The following DLG2 variants were observed in gnomAD, a reference collection of about 807,000 sequenced individuals.
DLG2 encodes disks large homolog 2.
In DLG2, 45 loss-of-function variants were observed where a neutral mutation model predicts 132.5. The observed-to-expected ratio is 0.34, with a 90% confidence interval of 0.27 to 0.44. DLG2 has a LOEUF of 0.44. DLG2 is among the 20% of genes least tolerant of loss of function. The probability of loss-of-function intolerance (pLI) is 1.00; values close to 1 mark genes in which losing one functional copy is unlikely to be tolerated. For synonymous variants in DLG2, 424 were observed against 419.6 expected, an observed-to-expected ratio of 1.01 and a Z score of -0.13; for missense variants, 1,045 against 1,196.9, an observed-to-expected ratio of 0.87 and a Z score of 1.87.
chr11:85,145,462 T>C (rs896499312), intron 5 of DLG2, among the ~76,000 whole-genome samples: 4 of 152,258 alleles, frequency 2.6e-5, no homozygotes, highest in Admixed American at 6.5e-5. Context: ...ACATTTTACA[T>C]TTTCCCTTTT....
At chr11:84,988,069 G>C (rs537687989) in intron 6 of DLG2, among the ~76,000 whole-genome samples, 2 of 151,694 alleles carry the variant, frequency 1.3e-5, no homozygotes, top group East Asian at 3.9e-4. Context: ...AAACAAATGA[G>C]CAAGAAAAAA....
chr11:85,486,907 C>T (rs939214619), intron 3 of DLG2, among the ~76,000 whole-genome samples: 8 of 150,776 alleles, frequency 5.3e-5, no homozygotes, highest in Non-Finnish European at 1.2e-4. Context: ...GAGACACCAC[C>T]ACTGCCACCA....
chr11:85,448,291 C>T (rs2092096917), intron 3 of DLG2, among the ~76,000 whole-genome samples: 3 of 152,268 alleles, frequency 2.0e-5, no homozygotes, highest in African/African-American at 7.2e-5. Context: ...GGAAACTATT[C>T]ATTTTTAAAA....
chr11:84,746,555 A>G (rs777366383), intron 6 of DLG2, among the ~76,000 whole-genome samples: 11 of 152,184 alleles, frequency 7.2e-5, no homozygotes, highest in African/African-American at 1.4e-4. Flanking sequence ...CTCAGTTTCT[A>G]TATCTATAAG....
intron 6 of DLG2, among the ~76,000 whole-genome samples, chr11:84,831,922 C>A (rs2079104319): frequency 6.6e-6 from 1 of 151,674 alleles, no homozygotes; most frequent in South Asian, 2.1e-4. Context: ...GGAAACAGAG[C>A]ACAAGCTCAT....
In DLG2 at chr11:84,553,425, T is replaced by C. The variant is rs542700731; in HGVS notation, c.358-18694A>G. Among the ~76,000 whole-genome samples, 11 of 152,292 alleles carry C rather than the reference T, an allele frequency of 7.2e-5. No individual in the cohort carries two copies. The East Asian group carries it at 7.7e-4, about 11-fold the overall frequency. On this transcript the variant is annotated intron_variant, in intron 6 of 27. Transcript: ENST00000376104. ...TTAAGATGCATGCTGATTTCAGAGA[T>C]ACAAATATTTAAAAAGTGCATGTTA...
At chr11:83,980,459 C>A in intron 12 of DLG2, 47 bp downstream of exon 12, 1 of 1,576,752 alleles carries the variant, frequency 6.3e-7, no homozygotes. Context: ...CACTGGAAAA[C>A]AAGAGCTTTA....
At chr11:84,070,719 A>G (rs370656675) in intron 10 of DLG2, among the ~76,000 whole-genome samples, 3 of 152,342 alleles carry the variant, frequency 2.0e-5, no homozygotes, top group Non-Finnish European at 4.4e-5. Flanking sequence ...TAAGCTAGAT[A>G]TGAATTCTAA....
At chr11:84,770,384 G>C (rs1271275548) in intron 6 of DLG2, among the ~76,000 whole-genome samples, 1 of 152,076 alleles carries the variant, frequency 6.6e-6, no homozygotes, top group Non-Finnish European at 1.5e-5. Context: ...ATATGGGTTT[G>C]TTGTACAGGT....
At chr11:84,207,174 C>G (rs912430995) in intron 8 of DLG2, among the ~76,000 whole-genome samples, 4 of 151,458 alleles carry the variant, frequency 2.6e-5, no homozygotes, top group African/African-American at 7.3e-5. Context: ...AAATATACCA[C>G]GCTTATGGGC....
At chr11:84,608,640 A>C (rs117608096) in intron 6 of DLG2, among the ~76,000 whole-genome samples, 6,124 of 152,256 alleles carry the variant, frequency 0.04, 171 homozygotes, top group Middle Eastern at 0.092. Context: ...CTCAGGGCCC[A>C]GTTTTTTGCC....
At chr11:84,531,875 G>A (rs1483839226) in intron 7 of DLG2, among the ~76,000 whole-genome samples, 1 of 152,032 alleles carries the variant, frequency 6.6e-6, no homozygotes, top group African/African-American at 2.4e-5. Flanking sequence ...TAAGATTCCT[G>A]GAAGGCAAAG....
At chr11:84,467,799 A>T (rs191061462) in intron 7 of DLG2, among the ~76,000 whole-genome samples, 10 of 151,616 alleles carry the variant, frequency 6.6e-5, no homozygotes, top group Admixed American at 6.6e-4. Context: ...ATAGAAGATG[A>T]GTATTAAAAT....
chr11:85,031,807 T>A (rs925303429), intron 6 of DLG2, among the ~76,000 whole-genome samples: 3 of 152,074 alleles, frequency 2.0e-5, no homozygotes, highest in African/African-American at 7.2e-5. Context: ...TATTTTGAGA[T>A]GGAGACTTGC....
intron 3 of DLG2, among the ~76,000 whole-genome samples, chr11:85,553,703 A>G (rs992502219): frequency 2.0e-5 from 3 of 151,596 alleles, no homozygotes; most frequent in Non-Finnish European, 4.4e-5. Context: ...AAAATTATCC[A>G]TATAACAGAT....
intron 6 of DLG2, chr11:84,687,414 C>G (rs1056168532): frequency 2.6e-5 from 4 of 152,124 alleles, no homozygotes; most frequent in African/African-American, 9.7e-5. Context: ...TTCTTTACAG[C>G]CTTGATAGAA....
chr11:84,929,420 A>G (rs1385715775), intron 6 of DLG2, among the ~76,000 whole-genome samples: 1 of 152,064 alleles, frequency 6.6e-6, no homozygotes, highest in Non-Finnish European at 1.5e-5. Flanking sequence ...TTAAACTTAA[A>G]GTTGAAATTA....
chr11:83,880,753 T>G (rs2066004258), intron 15 of DLG2, among the ~76,000 whole-genome samples: 1 of 152,184 alleles, frequency 6.6e-6, no homozygotes, highest in Non-Finnish European at 1.5e-5. Flanking sequence ...TGTACAAGAT[T>G]AGCTTGATGA....
intron 10 of DLG2, among the ~76,000 whole-genome samples, chr11:84,088,293 A>C (rs1007192674): frequency 3.3e-5 from 5 of 151,928 alleles, no homozygotes; most frequent in Non-Finnish European, 5.9e-5. Flanking sequence ...CATTTAATTA[A>C]TATTTGTCTA....
Sources: allele counts gnomAD v4.1 joint callset (sites outside exome capture counted in the v4.1 genomes callset), GRCh38; gene constraint gnomAD v4.1.1; transcripts MANE v1.5; gene names NCBI Gene and HGNC (gene_info 2026-07-23, HGNC 2026-07-21).